The following CACNA1E variants were observed in gnomAD, a reference collection of about 807,000 sequenced individuals.
The protein encoded by CACNA1E is voltage-dependent R-type calcium channel subunit alpha-1E.
Under a neutral mutation model 259.2 loss-of-function variants are expected in CACNA1E, and 40 were observed. The observed-to-expected ratio is 0.15, with a 90% CI of 0.12 to 0.20. CACNA1E has a LOEUF of 0.20. CACNA1E is among the 10% of genes least tolerant of loss of function. The pLI, the probability that CACNA1E is intolerant of heterozygous loss-of-function variation, is 1.00. For synonymous variants in CACNA1E, 1,104 were observed against 1,138.5 expected (o/e 0.97, Z 0.61); for missense variants, 1,874 against 3,040.1 (o/e 0.62, Z 9.02).
intron 1 of CACNA1E, among the ~76,000 whole-genome samples, chr1:181,356,752 C>A (rs756945171): frequency 6.6e-6 from 1 of 152,186 alleles, no homozygotes; most frequent in Non-Finnish European, 1.5e-5. Flanking sequence ...CCTACCAGGG[C>A]GGGCTCCTGT....
intron 3 of CACNA1E, among the ~76,000 whole-genome samples, chr1:181,514,088 G>A (rs1021558730): frequency 1.3e-5 from 2 of 152,112 alleles, no homozygotes; most frequent in African/African-American, 2.4e-5. Context: ...CCTGCTGAGG[G>A]GCTGAGGGTT....
intron 2 of CACNA1E, among the ~76,000 whole-genome samples, chr1:181,435,547 G>T (rs1660034028): frequency 6.6e-6 from 1 of 151,898 alleles, no homozygotes; most frequent in African/African-American, 2.4e-5. Context: ...AATCCTTCAG[G>T]TCTGGTCTCA....
chr1:181,384,301 C>T (rs370627981), intron 1 of CACNA1E, among the ~76,000 whole-genome samples: 15 of 152,334 alleles, frequency 9.8e-5, no homozygotes, highest in African/African-American at 3.6e-4. Flanking sequence ...TAGTATACAT[C>T]TCAGCTGGAT....
rs373521307 is a variant in CACNA1E, at chr1:181,771,440, T to A, written c.4973+56T>A. 2.0e-3 allele frequency: 1,811 copies of A among 897,186 alleles called. 15 individuals are homozygous for A. Among genetic ancestry groups the A allele is most frequent in the Admixed American group, 5.4e-3 (271 of 50,520 alleles). 55.6% of individuals were successfully genotyped at this position (897,186 alleles called of 1,614,324 possible). A position where few individuals can be genotyped will look rare whatever the true frequency, so the allele number is the denominator to read the frequency against. On this transcript the variant is annotated intron_variant, in intron 36 of 47. Coordinates refer to ENST00000367573, the MANE Select transcript of CACNA1E (RefSeq NM_001205293.3). Reference sequence around the variant, plus strand: ...GTTCTCCTGATGGAGGGAGAGAGAGTTTGTCTGCCTCTTCCTCCCATTTCC... The same window carrying A: ...GTTCTCCTGATGGAGGGAGAGAGAGATTGTCTGCCTCTTCCTCCCATTTCC...
upstream of CACNA1E, among the ~76,000 whole-genome samples, chr1:181,479,145 G>A (rs1663063322): frequency 6.6e-6 from 1 of 152,222 alleles, no homozygotes; most frequent in African/African-American, 2.4e-5. Flanking sequence ...TTGGGAGGGT[G>A]TGTGTGGGGC....
At chr1:181,795,585 C>T (rs1055549489) in intron 46 of CACNA1E, among the ~76,000 whole-genome samples, 3 of 151,534 alleles carry the variant, frequency 2.0e-5, no homozygotes, top group Admixed American at 6.6e-5. Context: ...GGACTACAGG[C>T]GCCCGCCACC....
At chr1:181,507,538 G>C in intron 1 of CACNA1E, among the ~76,000 whole-genome samples, 1 of 152,202 alleles carries the variant, frequency 6.6e-6, no homozygotes, top group East Asian at 1.9e-4. Context: ...GGGATATTGT[G>C]AGTGGAGAGT....
At chr1:181,396,375 C>T (rs1264864446) in intron 1 of CACNA1E, among the ~76,000 whole-genome samples, 3 of 152,228 alleles carry the variant, frequency 2.0e-5, no homozygotes, top group Admixed American at 6.5e-5. Flanking sequence ...CTGGCTACCA[C>T]ATCAAGCATG....
chr1:181,698,681 C>T (rs1007905190), intron 7 of CACNA1E, among the ~76,000 whole-genome samples: 3 of 151,996 alleles, frequency 2.0e-5, no homozygotes, highest in African/African-American at 7.3e-5. Context: ...CCATGACAGG[C>T]CAGCCATCTA....
chr1:181,320,242 C>T (rs558655370), intron 1 of CACNA1E, among the ~76,000 whole-genome samples: 4 of 152,258 alleles, frequency 2.6e-5, no homozygotes, highest in African/African-American at 9.6e-5. Flanking sequence ...AAAAAAAATC[C>T]TACATGTCTG....
At chr1:181,596,162 C>T (rs1439831875) in intron 6 of CACNA1E, among the ~76,000 whole-genome samples, 1 of 152,132 alleles carries the variant, frequency 6.6e-6, no homozygotes, top group African/African-American at 2.4e-5. Context: ...TTATTTTCCT[C>T]CCCTTGGTAG....
intron 1 of CACNA1E, among the ~76,000 whole-genome samples, chr1:181,489,305 C>T (rs931433223): frequency 1.3e-5 from 2 of 152,014 alleles, no homozygotes; most frequent in African/African-American, 2.4e-5. Flanking sequence ...ATATTTCTCC[C>T]TCTCTCATTT....
At position 181,757,067 on chromosome 1, in the gene CACNA1E, A is replaced by G; in HGVS notation, c.4270A>G (p.Ile1424Val). ...CAATATCTTTGTGGCTCTCATCATC[A>G]TCACCTTCCAGGAGCAAGGGGATAA... ...FVNIFVALIIITFQEQGDKMM... is the reference protein window; with the variant it reads ...FVNIFVALIIVTFQEQGDKMM... Residue 1424 changes from isoleucine to valine, a missense_variant, in exon 30 of 48, where the codon ATC becomes GTC. Transcript: ENST00000367573. 1 of 1,613,884 alleles carries G rather than the reference A, an allele frequency of 6.2e-7. No individual in the cohort carries two copies. The highest frequency in any genetic ancestry group is 8.5e-7 in the Non-Finnish European group (1 of 1,179,824).
intron 1 of CACNA1E, among the ~76,000 whole-genome samples, chr1:181,338,331 C>T (rs758398622): frequency 5.3e-4 from 80 of 152,070 alleles, no homozygotes; most frequent in Non-Finnish European, 8.7e-4. Context: ...GTGATCTGCC[C>T]GTCTCAGCCT....
At chr1:181,639,037 G>A (rs1337382913) in intron 6 of CACNA1E, among the ~76,000 whole-genome samples, 1 of 151,972 alleles carries the variant, frequency 6.6e-6, no homozygotes, top group East Asian at 1.9e-4. Context: ...TGGTTGTGAA[G>A]ATTAATGTAT....
At chr1:181,350,684 T>G (rs1398477137) in intron 1 of CACNA1E, among the ~76,000 whole-genome samples, 2 of 152,182 alleles carry the variant, frequency 1.3e-5, no homozygotes, top group Admixed American at 1.3e-4. Context: ...CCACCCAGAC[T>G]GGGGCTCTGT....
chr1:181,597,237 CTG>C, intron 6 of CACNA1E, among the ~76,000 whole-genome samples: 1 of 152,296 alleles, frequency 6.6e-6, no homozygotes, highest in East Asian at 1.9e-4. Context: ...CTTGGACCCT[CTG>C]TAGCTTTTGC....
chr1:181,448,958 G>A (rs1283017454), intron 2 of CACNA1E, among the ~76,000 whole-genome samples: 4 of 152,242 alleles, frequency 2.6e-5, no homozygotes, highest in Admixed American at 6.5e-5. Flanking sequence ...GCACAGAACG[G>A]CCTGGAGTGG....
At chr1:181,745,796 A>G (rs1657023412) in intron 25 of CACNA1E, among the ~76,000 whole-genome samples, 1 of 152,220 alleles carries the variant, frequency 6.6e-6, no homozygotes, top group Admixed American at 6.5e-5. Context: ...TATGTTTAGA[A>G]TAAGACAAAA....
Sources: gnomAD v4.1 joint callset for allele counts (sites outside exome capture counted in the v4.1 genomes callset) on GRCh38, gnomAD v4.1.1 for gene constraint, MANE v1.5 for transcripts, NCBI Gene and HGNC (gene_info 2026-07-23, HGNC 2026-07-21) for gene names.